BSN: variants seen among roughly 807,000 people sequenced by gnomAD.
BSN encodes protein bassoon.
BSN carries 57 observed loss-of-function variants against 264.8 expected under a neutral mutation model. The ratio of observed to expected loss-of-function variants is 0.22; its 90% CI spans 0.17 to 0.27. The LOEUF (loss-of-function observed/expected upper bound fraction) is 0.27. BSN is among the 10% of genes least tolerant of loss of function. The pLI, the probability that BSN is intolerant of heterozygous loss-of-function variation, is 1.00. For synonymous variants in BSN, 2,059 were observed against 2,137.3 expected, an observed-to-expected ratio of 0.96 and a Z score of 1.01; for missense variants, 4,615 against 5,232.5, an observed-to-expected ratio of 0.88 and a Z score of 3.64.
chr3:49,570,722 C>T (rs193167459), intron 1 of BSN, among the ~76,000 whole-genome samples: 47 of 152,338 alleles, frequency 3.1e-4, no homozygotes, highest in Non-Finnish European at 5.7e-4. Flanking sequence ...TCAAATTAGC[C>T]AGAGAGCCTG....
rs184355450 is a variant in BSN, at chr3:49,560,267, T to C, written c.224+5441T>C. Among the ~76,000 whole-genome samples, 4 of 152,178 alleles carry C rather than the reference T, an allele frequency of 2.6e-5. No individual in the cohort carries two copies. In the East Asian group the frequency reaches 7.7e-4, roughly 29 times the overall value. ...AAGGCCAGACCTACTATGTGTGGGC[T>C]ATGTGAGGGGAACCTGTTGCTGGAG... On this transcript the variant is annotated intron_variant, in intron 1 of 11. Coordinates refer to ENST00000296452, the MANE Select transcript of BSN (RefSeq NM_003458.4).
intron 1 of BSN, among the ~76,000 whole-genome samples, chr3:49,587,445 G>A (rs1040833023): frequency 1.3e-5 from 2 of 152,132 alleles, no homozygotes; most frequent in African/African-American, 4.8e-5. Context: ...TGTTACTGGT[G>A]GAGGGTCTTG....
At chr3:49,573,332 A>G (rs2051811894) in intron 1 of BSN, among the ~76,000 whole-genome samples, 1 of 152,206 alleles carries the variant, frequency 6.6e-6, no homozygotes, top group South Asian at 2.1e-4. Flanking sequence ...GCTCATGATC[A>G]AAGAAATAGG....
intron 1 of BSN, among the ~76,000 whole-genome samples, chr3:49,593,470 T>C (rs1176794159): frequency 6.6e-6 from 1 of 152,190 alleles, no homozygotes; most frequent in African/African-American, 2.4e-5. Flanking sequence ...TTTAAAGAAA[T>C]TGCCAAGCTT....
chr3:49,596,473 CCT>C (rs554443371), intron 1 of BSN, among the ~76,000 whole-genome samples: 51 of 152,068 alleles, frequency 3.4e-4, no homozygotes, highest in Non-Finnish European at 7.1e-4. Context: ...GCAATAATTC[CCT>C]GTTATTCCTA....
rs149616474 is a variant in BSN, at chr3:49,628,395, T to C, written c.633+3012T>C. 3.4e-4 allele frequency among the ~76,000 whole-genome samples: 52 copies of C among 152,358 alleles called. No homozygotes were observed. The East Asian group carries it at 7.7e-3, about 23-fold the overall frequency. The stretch of plus-strand genomic sequence containing the variant: ...ATGGCATCAGTCAGAGTTATTACTT[T>C]AGCTGAGTGCTGCAGAAACAGCAGA... On this transcript the variant is annotated intron_variant, in intron 2 of 11. Coordinates refer to ENST00000296452, the MANE Select transcript of BSN (RefSeq NM_003458.4).
chr3:49,631,187 G>A (rs1180940507), intron 2 of BSN, among the ~76,000 whole-genome samples: 2 of 152,074 alleles, frequency 1.3e-5, no homozygotes, highest in East Asian at 3.9e-4. Context: ...AACCACACAA[G>A]CAAACACACA....
At chr3:49,645,046 C>T (rs949832512) in intron 3 of BSN, among the ~76,000 whole-genome samples, 1 of 152,276 alleles carries the variant, frequency 6.6e-6, no homozygotes, top group Middle Eastern at 3.4e-3. Flanking sequence ...GGTGTTCCCC[C>T]CATCACACCT....
chr3:49,662,622 G>T (rs923388647), intron 6 of BSN, 60 bp downstream of exon 6: 8 of 1,536,850 alleles, frequency 5.2e-6, no homozygotes, highest in Non-Finnish European at 7.0e-6. Context: ...CTGCCTACCT[G>T]TGGGGCCCTG....
intron 1 of BSN, among the ~76,000 whole-genome samples, chr3:49,567,443 T>C (rs2051760730): frequency 2.0e-5 from 3 of 152,250 alleles, no homozygotes; most frequent in Non-Finnish European, 4.4e-5. Flanking sequence ...TGCATCTGCA[T>C]GCTGGCTAGA....
intron 1 of BSN, among the ~76,000 whole-genome samples, chr3:49,586,580 A>G (rs773395992): frequency 3.9e-5 from 6 of 152,156 alleles, no homozygotes; most frequent in Non-Finnish European, 5.9e-5. Context: ...GACTCAAGCA[A>G]TCCGTCCATC....
At chr3:49,613,563 C>G (rs1277641658) in intron 1 of BSN, among the ~76,000 whole-genome samples, 1 of 151,622 alleles carries the variant, frequency 6.6e-6, no homozygotes, top group Non-Finnish European at 1.5e-5. Flanking sequence ...GGTGCAGTCT[C>G]AGCTCACTGC....
intron 1 of BSN, among the ~76,000 whole-genome samples, chr3:49,605,308 TTATATTA>T (rs1253741655): frequency 1.0e-5 from 1 of 96,428 alleles, no homozygotes; most frequent in Non-Finnish European, 1.9e-5. Flanking sequence ...ATATTATATA[TTATATTA>T]TATATATATA....
chr3:49,593,076 C>T (rs2051993214), intron 1 of BSN, among the ~76,000 whole-genome samples: 2 of 152,204 alleles, frequency 1.3e-5, no homozygotes, highest in South Asian at 4.1e-4. Flanking sequence ...TCCCTAATCC[C>T]TGGCAACCAC....
Position 49,625,215 on chromosome 3 carries a change from C to A in BSN, c.465C>A (p.Pro155=). The part of the protein sequence containing the change: ...SPDRGSTPTS[P]YSVPQIAPLP... Reference sequence around the variant, plus strand: ...ACAGAGGCAGCACCCCCACATCACCCTACTCCGTCCCTCAGATCGCCCCCC... The same window carrying A: ...ACAGAGGCAGCACCCCCACATCACCATACTCCGTCCCTCAGATCGCCCCCC... The change falls in exon 2 of 12, where the codon CCC becomes CCA. Residue 155 remains proline (P), a synonymous_variant. Transcript: ENST00000296452. This position sits in a 1 kb window ranked among gnomAD's most constrained non-coding sequence, Gnocchi z 4.4. 2.5e-6 allele frequency: 4 copies of A among 1,577,872 alleles called. No homozygotes were observed. Among genetic ancestry groups the A allele is most frequent in the South Asian group, 2.3e-5 (2 of 85,284 alleles).
chr3:49,661,045 G>A lies in BSN; in HGVS notation c.9200G>A (p.Ser3067Asn). ...QPPAPQYSAG[S>N]GGPTQNGFPA... ...CCAGCCCCACAGTATTCTGCAGGCA[G>A]TGGTGGGCCAACTCAGAACGGATTC... The change falls in exon 6 of 12, where the codon AGT becomes AAT. Residue 3067 changes from serine to asparagine, a missense_variant. By Grantham distance (46) the Ser-to-Asn change is conservative. Coordinates refer to ENST00000296452, the MANE Select transcript of BSN (RefSeq NM_003458.4). The A allele has an allele frequency of 1.2e-6, 2 of 1,611,596 alleles. No homozygotes were observed. Among genetic ancestry groups the A allele is most frequent in the Non-Finnish European group, 1.7e-6 (2 of 1,179,844 alleles).
rs961488620 is a variant in BSN, at chr3:49,638,354, C to G, written c.634-3914C>G. ...ACAGCCATCATCTCTCTCCCTACCCCGTGGACAGCCTCCATCCCCCTGAGT... is the reference window on the plus strand; with the variant it reads ...ACAGCCATCATCTCTCTCCCTACCCGGTGGACAGCCTCCATCCCCCTGAGT... On this transcript the variant is annotated intron_variant, in intron 2 of 11. Coordinates refer to ENST00000296452, the MANE Select transcript of BSN (RefSeq NM_003458.4). This position sits in a 1 kb window ranked among gnomAD's most constrained non-coding sequence, Gnocchi z 4.3. Among the ~76,000 whole-genome samples the G allele has an allele frequency of 6.6e-6, 1 of 152,208 alleles. No homozygotes were observed. The highest frequency in any genetic ancestry group is 2.4e-5 in the African/African-American group (1 of 41,444).
At chr3:49,632,409 A>G (rs1559609743) in intron 2 of BSN, among the ~76,000 whole-genome samples, 1 of 152,248 alleles carries the variant, frequency 6.6e-6, no homozygotes, top group East Asian at 1.9e-4. Context: ...ATGGGAGAAA[A>G]TACTTGCTAA....
chr3:49,574,858 G>C (rs1025898765), intron 1 of BSN, among the ~76,000 whole-genome samples: 1 of 151,566 alleles, frequency 6.6e-6, no homozygotes, highest in Non-Finnish European at 1.5e-5. Flanking sequence ...GGCTGGTCTT[G>C]AACTCCGGAC....
Sources: allele counts gnomAD v4.1 joint callset (sites outside exome capture counted in the v4.1 genomes callset), GRCh38; gene constraint gnomAD v4.1.1; non-coding constraint Gnocchi (gnomAD v3.1); transcripts MANE v1.5; gene names NCBI Gene and HGNC (gene_info 2026-07-23, HGNC 2026-07-21).